PPP1R12A: variants seen among roughly 807,000 people sequenced by gnomAD.
The protein encoded by PPP1R12A is protein phosphatase 1 regulatory subunit 12A.
Under a neutral mutation model 139.6 loss-of-function variants are expected in PPP1R12A, and 19 were observed. The ratio of observed to expected loss-of-function variants is 0.14; its 90% CI spans 0.09 to 0.20. PPP1R12A has a LOEUF of 0.20. PPP1R12A is among the 10% of genes least tolerant of loss of function. The pLI is 1.00. For missense variants in PPP1R12A, 925 were observed against 1,211.5 expected, an observed-to-expected ratio of 0.76 and a Z score of 3.51; for synonymous variants, 427 against 420.6, an observed-to-expected ratio of 1.02 and a Z score of -0.19.
chr12:79,821,997 A>C, intron 6 of PPP1R12A, 119 bp downstream of exon 6: 1 of 651,842 alleles, frequency 1.5e-6, no homozygotes, highest in Non-Finnish European at 2.6e-6. Context: ...CATTTAGTGA[A>C]ACTTAAGGAT....
intron 1 of PPP1R12A, among the ~76,000 whole-genome samples, chr12:79,918,187 G>C (rs572283733): frequency 6.6e-6 from 1 of 151,484 alleles, no homozygotes; most frequent in East Asian, 1.9e-4. Context: ...TCACGAATCT[G>C]TATCCTGCGT....
At chr12:79,931,083 A>G (rs1888220455) in intron 1 of PPP1R12A, among the ~76,000 whole-genome samples, 1 of 152,222 alleles carries the variant, frequency 6.6e-6, no homozygotes, top group African/African-American at 2.4e-5. Flanking sequence ...CACCAAATTA[A>G]TAATACTTTT....
rs983910157 is a variant in PPP1R12A at position 79,818,269 on chromosome 12, G to A, written c.1115-751C>T. Reference sequence around the variant, plus strand: ...AACTTATTTATTTACTTTGAGACAGGGTCTTGTTCTGTTGCCCAGGTTGGG... The same window carrying A: ...AACTTATTTATTTACTTTGAGACAGAGTCTTGTTCTGTTGCCCAGGTTGGG... On this transcript the variant is annotated intron_variant, in intron 8 of 24. Transcript: ENST00000450142. Among the ~76,000 whole-genome samples the A allele has an allele frequency of 5.3e-5, 8 of 152,012 alleles. No homozygotes were observed. The East Asian group carries it at 1.4e-3, about 26-fold the overall frequency.
chr12:79,913,696 A>G (rs979533845), intron 1 of PPP1R12A: 1 of 152,274 alleles, frequency 6.6e-6, no homozygotes, highest in African/African-American at 2.4e-5. Flanking sequence ...CATTTTTCAC[A>G]CATGCATACA....
chr12:79,809,681 A>C, intron 10 of PPP1R12A, 114 bp downstream of exon 10: 1 of 733,270 alleles, frequency 1.4e-6, no homozygotes, highest in Non-Finnish European at 2.2e-6. Context: ...CATTAAGGTT[A>C]ATTAACTTGA....
At chr12:79,892,457 T>C (rs546833419) in intron 1 of PPP1R12A, among the ~76,000 whole-genome samples, 1 of 152,332 alleles carries the variant, frequency 6.6e-6, no homozygotes, top group South Asian at 2.1e-4. Context: ...GTTTAATATT[T>C]ACTTTTGAGG....
intron 22 of PPP1R12A, chr12:79,782,648 A>C: frequency 2.4e-6 from 1 of 422,530 alleles, no homozygotes; most frequent in South Asian, 1.7e-5. Context: ...AAGAAAAAAA[A>C]AGAAAAAAAC....
At chr12:79,872,424 T>C (rs1882671642) in intron 2 of PPP1R12A, among the ~76,000 whole-genome samples, 1 of 152,162 alleles carries the variant, frequency 6.6e-6, no homozygotes, top group Non-Finnish European at 1.5e-5. Flanking sequence ...TGGAGAACTA[T>C]GTATCATATT....
intron 1 of PPP1R12A, among the ~76,000 whole-genome samples, chr12:79,883,424 T>C (rs764212529): frequency 2.0e-5 from 3 of 152,070 alleles, no homozygotes; most frequent in Non-Finnish European, 2.9e-5. Context: ...CTCTAAGGTA[T>C]GCCTGTACTC....
intron 2 of PPP1R12A, among the ~76,000 whole-genome samples, chr12:79,861,953 G>C (rs1421106107): frequency 2.0e-5 from 3 of 152,188 alleles, no homozygotes; most frequent in East Asian, 1.9e-4. Flanking sequence ...GCTCTGAAGA[G>C]AGCAGTGGCT....
intron 2 of PPP1R12A, among the ~76,000 whole-genome samples, chr12:79,863,491 C>T (rs563301583): frequency 6.6e-6 from 1 of 152,036 alleles, no homozygotes; most frequent in East Asian, 1.9e-4. Context: ...TGTAAATGGG[C>T]TAAATGCCCC....
rs1294917144 is a variant in PPP1R12A, at chr12:79,806,295, G to A, written c.1694C>T (p.Ser565Phe). 3.1e-6 allele frequency: 5 copies of A among 1,613,590 alleles called. No individual in the cohort carries two copies. The highest frequency in any genetic ancestry group is 4.2e-6 in the Non-Finnish European group (5 of 1,179,768). ...TGTTGATGTGGTGCTTGGAACACTA[G>A]AACTAATCAAATCATCTTGTCTTCT... ...FGRRQDDLIS[S>F]SVPSTTSTPT... is the part of the protein sequence containing the mutation. Residue 565 changes from serine (S) to phenylalanine (F), a missense_variant, in exon 13 of 25, where the codon TCT becomes TTT. By Grantham distance (155) the Ser-to-Phe change is radical. Transcript: ENST00000450142.
At chr12:79,799,646 T>G (rs1241427079) in intron 14 of PPP1R12A, among the ~76,000 whole-genome samples, 1 of 152,208 alleles carries the variant, frequency 6.6e-6, no homozygotes, top group Non-Finnish European at 1.5e-5. Context: ...AATTTCTTCT[T>G]ATAAATTTAA....
chr12:79,889,450 G>A (rs1247059686), intron 1 of PPP1R12A, among the ~76,000 whole-genome samples: 2 of 152,178 alleles, frequency 1.3e-5, no homozygotes, highest in Non-Finnish European at 2.9e-5. Flanking sequence ...CTCATGCCAA[G>A]TGAGCCACAA....
intron 9 of PPP1R12A, among the ~76,000 whole-genome samples, chr12:79,814,979 AAGC>A (rs1875158110): frequency 6.6e-6 from 1 of 152,050 alleles, no homozygotes; most frequent in Non-Finnish European, 1.5e-5. Flanking sequence ...GCAAATTTAG[AAGC>A]AGATGTTATT....
intron 2 of PPP1R12A, among the ~76,000 whole-genome samples, chr12:79,848,389 A>G (rs1057186001): frequency 1.3e-5 from 2 of 152,148 alleles, no homozygotes; most frequent in East Asian, 1.9e-4. Flanking sequence ...AAATACATCT[A>G]TTCTGCTTGG....
At chr12:79,781,999 A>T in intron 22 of PPP1R12A, 137 bp from the exon 23 acceptor site, 3 of 464,330 alleles carry the variant, frequency 6.5e-6, no homozygotes, top group Non-Finnish European at 1.2e-5. Flanking sequence ...AAGCAAAGAG[A>T]AAACAGGATT....
chr12:79,832,336 A>G lies in PPP1R12A; in HGVS notation c.643T>C (p.Leu215=), dbSNP rs1295687145. The change falls in exon 4 of 25, where the codon TTA becomes CTA. Residue 215 remains leucine (L), a synonymous_variant. Coordinates refer to ENST00000450142, the MANE Select transcript of PPP1R12A (RefSeq NM_002480.3). ...TCTGTAAAAAACAATACTTACTTTA[A>G]AACTTCCGTATAGCCTTTAGCAGCT... ...VAAAKGYTEV[L]KLLIQAGYDV... is the part of the protein sequence containing the mutation. The G allele has an allele frequency of 2.5e-6, 4 of 1,596,814 alleles. No homozygotes were observed. The African/African-American group carries it at 5.4e-5, about 22-fold the overall frequency.
intron 13 of PPP1R12A, 49 bp downstream of exon 13, chr12:79,806,117 A>G: frequency 6.4e-7 from 1 of 1,555,598 alleles, no homozygotes; most frequent in Non-Finnish European, 8.7e-7. Flanking sequence ...ACGCATGCAC[A>G]TACATAAGCA....
Sources: gnomAD v4.1 joint callset for allele counts (sites outside exome capture counted in the v4.1 genomes callset) on GRCh38, gnomAD v4.1.1 for gene constraint, MANE v1.5 for transcripts, NCBI Gene and HGNC (gene_info 2026-07-23, HGNC 2026-07-21) for gene names.